The following SPACDR variants were observed in gnomAD, a reference collection of about 807,000 sequenced individuals.
SPACDR encodes uncharacterized protein C7orf61.
At chr7:100,457,857 A>ATTTTTTTT in the SPACDR span, among the ~76,000 whole-genome samples, 3 of 88,342 alleles carry the variant, frequency 3.4e-5, no homozygotes, top group African/African-American at 1.5e-4. Context: ...ATATATATAT[A>ATTTTTTTT]TTTTTTTTTT....
the SPACDR span, chr7:100,463,720 G>C: frequency 1.1e-5 from 17 of 1,568,140 alleles, no homozygotes; most frequent in Non-Finnish European, 1.4e-5. Flanking sequence ...AGAGACAGGA[G>C]AGAGGGGCAG....
the SPACDR span, among the ~76,000 whole-genome samples, chr7:100,461,791 C>T: frequency 6.6e-6 from 1 of 151,806 alleles, no homozygotes; most frequent in Non-Finnish European, 1.5e-5. Context: ...AGATCAAGAC[C>T]ATCCTGGTTA....
At chr7:100,462,030 G>A in the SPACDR span, among the ~76,000 whole-genome samples, 1 of 149,970 alleles carries the variant, frequency 6.7e-6, no homozygotes, top group Admixed American at 6.7e-5. Context: ...CCTTAGGTTT[G>A]GATAACATGC....
At chr7:100,463,532 G>T in the SPACDR span, 3 of 1,614,028 alleles carry the variant, frequency 1.9e-6, no homozygotes, top group Non-Finnish European at 1.7e-6. Context: ...CAGCTCGGGG[G>T]ACTCACCCAA....
chr7:100,463,411 C>T, the SPACDR span: 12 of 1,612,208 alleles, frequency 7.4e-6, no homozygotes, highest in East Asian at 4.5e-5. Context: ...AGACCATGAG[C>T]GTGGAGACAG....
chr7:100,463,600 A>G, the SPACDR span: 1 of 1,613,958 alleles, frequency 6.2e-7, no homozygotes, highest in Non-Finnish European at 8.5e-7. Flanking sequence ...CCACCTGGAG[A>G]GTCTTCTCCA....
the SPACDR span, among the ~76,000 whole-genome samples, chr7:100,460,988 C>G: frequency 6.6e-6 from 1 of 152,212 alleles, no homozygotes; most frequent in African/African-American, 2.4e-5. Flanking sequence ...CCAAAGCTCA[C>G]AACTTGGCAA....
the SPACDR span, chr7:100,463,970 A>G: frequency 6.2e-7 from 1 of 1,608,286 alleles, no homozygotes; most frequent in African/African-American, 1.3e-5. Flanking sequence ...CACCCAGGAA[A>G]TAATCCTTTG....
the SPACDR span, chr7:100,463,587 C>G: frequency 6.2e-6 from 10 of 1,613,884 alleles, no homozygotes; most frequent in Non-Finnish European, 8.5e-6. Context: ...CTCAAAGTCT[C>G]AACCACCTGG....
the SPACDR span, chr7:100,456,944 C>T: frequency 7.4e-5 from 119 of 1,613,224 alleles, 1 homozygote; most frequent in Non-Finnish European, 8.6e-5. Flanking sequence ...AAGGTGACTG[C>T]GTCCTCACTT....
the SPACDR span, chr7:100,456,794 G>A: frequency 6.2e-7 from 1 of 1,613,136 alleles, no homozygotes; most frequent in African/African-American, 1.3e-5. Flanking sequence ...ACTGAGCCGG[G>A]TTGGGTCGGG....
the SPACDR span, among the ~76,000 whole-genome samples, chr7:100,461,881 T>G: frequency 6.7e-6 from 1 of 150,174 alleles, no homozygotes; most frequent in African/African-American, 2.5e-5. Flanking sequence ...TAGTCCGAGC[T>G]ACTCAGGAGG....
At chr7:100,461,401 C>T in the SPACDR span, among the ~76,000 whole-genome samples, 6 of 152,070 alleles carry the variant, frequency 3.9e-5, 1 homozygote, top group African/African-American at 1.2e-4. Context: ...TTCAGCCTCC[C>T]GAATAGCTGG....
At chr7:100,457,857 A>ATTTTTTT in the SPACDR span, among the ~76,000 whole-genome samples, 7 of 88,320 alleles carry the variant, frequency 7.9e-5, no homozygotes, top group Admixed American at 2.9e-4. Flanking sequence ...ATATATATAT[A>ATTTTTTT]TTTTTTTTTT....
the SPACDR span, among the ~76,000 whole-genome samples, chr7:100,462,975 A>C: frequency 6.7e-6 from 1 of 150,326 alleles, no homozygotes; most frequent in Middle Eastern, 3.4e-3. Flanking sequence ...CAGGCGTGGG[A>C]GTCTGTAGTC....
At chr7:100,464,085 T>A in the SPACDR span, 3 of 74,122 alleles carry the variant, frequency 4.0e-5, no homozygotes, top group South Asian at 2.7e-4. Context: ...ACGGTGGGGG[T>A]GGCGGGTGGG....
chr7:100,456,788 A>G, the SPACDR span: 1 of 1,612,704 alleles, frequency 6.2e-7, no homozygotes, highest in Non-Finnish European at 8.5e-7. Context: ...TCAGGGACTG[A>G]GCCGGGTTGG....
chr7:100,461,895 A>G, the SPACDR span, among the ~76,000 whole-genome samples: 1 of 149,694 alleles, frequency 6.7e-6, no homozygotes, highest in Non-Finnish European at 1.5e-5. Flanking sequence ...CAGGAGGCTG[A>G]GGCAGGAGAA....
chr7:100,458,908 TGAGA>T, the SPACDR span, among the ~76,000 whole-genome samples: 1 of 151,484 alleles, frequency 6.6e-6, no homozygotes, highest in Non-Finnish European at 1.5e-5. Context: ...GCCTGGGCAA[TGAGA>T]GTGAAACTCC....
Sources: allele counts gnomAD v4.1 joint callset (sites outside exome capture counted in the v4.1 genomes callset), GRCh38; gene constraint gnomAD v4.1.1; transcripts MANE v1.5; gene names NCBI Gene and HGNC (gene_info 2026-07-23, HGNC 2026-07-21).